MROH7: variants seen among roughly 807,000 people sequenced by gnomAD.
MROH7 encodes maestro heat-like repeat-containing protein family member 7.
MROH7 carries 113 observed loss-of-function variants against 129.2 expected under a neutral mutation model. The ratio of observed to expected loss-of-function variants is 0.87; its 90% CI spans 0.75 to 1.02. MROH7 has a LOEUF of 1.02. Among genes scored for constraint, MROH7 ranks in the 50% least tolerant of loss-of-function variants. The probability of loss-of-function intolerance (pLI) is 0.00; values close to 1 mark genes in which losing one functional copy is unlikely to be tolerated. For synonymous variants in MROH7, 655 were observed against 667.9 expected, an observed-to-expected ratio of 0.98 and a Z score of 0.30; for missense variants, 1,601 against 1,671.3, an observed-to-expected ratio of 0.96 and a Z score of 0.73.
chr1:54,663,569 T>C (rs1018123430), intron 3 of MROH7, among the ~76,000 whole-genome samples: 4 of 152,080 alleles, frequency 2.6e-5, no homozygotes, highest in African/African-American at 7.2e-5. Flanking sequence ...AGGTGGGGTT[T>C]CACCATGTTG....
At chr1:54,667,840 C>T (rs1229996913) in intron 4 of MROH7, among the ~76,000 whole-genome samples, 2 of 152,108 alleles carry the variant, frequency 1.3e-5, no homozygotes, top group East Asian at 1.9e-4. Context: ...GTCCTAGCTA[C>T]TCAGAAGGCT....
At chr1:54,709,908 G>T in intron 23 of MROH7, 38 bp from the exon 24 acceptor site, 1 of 1,597,630 alleles carries the variant, frequency 6.3e-7, no homozygotes, top group Non-Finnish European at 8.6e-7. Context: ...TAGGGCCCTG[G>T]GTCTTAATAG....
intron 1 of MROH7, among the ~76,000 whole-genome samples, chr1:54,644,856 C>T (rs1026963493): frequency 6.7e-6 from 1 of 149,568 alleles, no homozygotes; most frequent in Non-Finnish European, 1.5e-5. Flanking sequence ...AGGCTGGTGC[C>T]TGGAGTACGG....
chr1:54,666,031 A>G (rs1359112822), intron 4 of MROH7, among the ~76,000 whole-genome samples: 2 of 152,236 alleles, frequency 1.3e-5, no homozygotes, highest in Non-Finnish European at 2.9e-5. Context: ...ACACACGCCA[A>G]ACTCATTCCT....
intron 22 of MROH7, among the ~76,000 whole-genome samples, chr1:54,706,907 A>G (rs184758975): frequency 6.6e-6 from 1 of 152,316 alleles, no homozygotes; most frequent in African/African-American, 2.4e-5. Context: ...AGAGTCAAGT[A>G]GAATCTCAGT....
intron 1 of MROH7, among the ~76,000 whole-genome samples, chr1:54,649,885 T>C (rs954654834): frequency 1.3e-5 from 2 of 152,226 alleles, no homozygotes; most frequent in Admixed American, 6.5e-5. Context: ...CAAGGAGCAA[T>C]CAAATTTTAC....
chr1:54,652,107 C>T (rs1282071633), intron 2 of MROH7, 124 bp downstream of exon 2: 1 of 152,394 alleles, frequency 6.6e-6, no homozygotes, highest in African/African-American at 2.4e-5. Flanking sequence ...TGACAGCTGC[C>T]CTATGGTCTC....
rs1206901943 is a variant in MROH7, at chr1:54,701,185, C to T, written c.3148C>T (p.Leu1050=). 6.2e-7 allele frequency: 1 copy of T among 1,614,022 alleles called. No individual in the cohort carries two copies. The highest frequency in any genetic ancestry group is 1.3e-5 in the African/African-American group (1 of 74,942). Residue 1050 remains leucine, a synonymous_variant, in exon 19 of 24, where the codon CTG becomes TTG. Transcript: ENST00000421030. ...CCTCCTGCCCTCCATGGTGAAGGGC[C>T]TGAAGAACATGGATGGGATGCTGGT... is the stretch of plus-strand genomic sequence containing the variant. ...KALLPSMVKG[L]KNMDGMLVVE... is the part of the protein sequence containing the mutation.
chr1:54,659,107 T>G, intron 3 of MROH7: 1 of 444,588 alleles, frequency 2.2e-6, no homozygotes, highest in Non-Finnish European at 4.5e-6. Context: ...TGTTTTGTTT[T>G]TTTTTAGATG....
intron 16 of MROH7, among the ~76,000 whole-genome samples, chr1:54,693,744 C>G (rs369220791): frequency 2.6e-5 from 4 of 152,176 alleles, no homozygotes; most frequent in Middle Eastern, 3.2e-3. Flanking sequence ...ACCCTGAGTG[C>G]CCCGGGTGGT....
chr1:54,702,623 A>G lies in MROH7; in HGVS notation c.3442A>G (p.Lys1148Glu), dbSNP rs983233923. 1.2e-5 allele frequency: 19 copies of G among 1,604,582 alleles called. No individual in the cohort carries two copies. The highest frequency in any genetic ancestry group is 1.6e-5 in the Non-Finnish European group (19 of 1,175,352). ...ATATTTTCTTCCTATTGGTTCCCAGAAGTGTGTGAAGACCCTGTTACGCTG... is the reference window on the plus strand; with the variant it reads ...ATATTTTCTTCCTATTGGTTCCCAGGAGTGTGTGAAGACCCTGTTACGCTG... ...MQEGNSKVSQKCVKTLLRCSY... is the reference protein window; with the variant it reads ...MQEGNSKVSQECVKTLLRCSY... Residue 1148 changes from lysine to glutamate, a missense_variant and splice_region_variant, in exon 21 of 24, where the codon AAG (lysine) becomes GAG (glutamate). Coordinates refer to ENST00000421030, the MANE Select transcript of MROH7 (RefSeq NM_001039464.4).
rs748774293 is a variant in MROH7, at chr1:54,710,203, A to G, written c.*16A>G. The G allele has an allele frequency of 2.5e-6, 4 of 1,607,310 alleles. No individual in the cohort carries two copies. The highest frequency in any genetic ancestry group is 3.4e-6 in the Non-Finnish European group (4 of 1,178,604). ...GAAGAAGTGACGTCCCTGAGCCCCAAACCCTCCTCAGGGTGGTTGAGTTCC... is the reference window on the plus strand; with the variant it reads ...GAAGAAGTGACGTCCCTGAGCCCCAGACCCTCCTCAGGGTGGTTGAGTTCC... On this transcript the variant is annotated 3_prime_UTR_variant, in exon 24 of 24. Coordinates refer to ENST00000421030, the MANE Select transcript of MROH7 (RefSeq NM_001039464.4).
chr1:54,701,840 G>A (rs1344432096), intron 19 of MROH7, among the ~76,000 whole-genome samples: 1 of 151,958 alleles, frequency 6.6e-6, no homozygotes, highest in Admixed American at 6.6e-5. Context: ...CAAAGTGCTG[G>A]GATTACAGGC....
At chr1:54,690,449 T>G (rs1645215671) in intron 15 of MROH7, among the ~76,000 whole-genome samples, 1 of 110,000 alleles carries the variant, frequency 9.1e-6, no homozygotes, top group African/African-American at 3.1e-5. Context: ...TTTTTTTTTT[T>G]TTCCTTTTTT....
chr1:54,670,136 A>G (rs1644874010), intron 5 of MROH7, among the ~76,000 whole-genome samples: 1 of 151,986 alleles, frequency 6.6e-6, no homozygotes, highest in African/African-American at 2.4e-5. Flanking sequence ...AGGGCCACAC[A>G]TAGTGGTTTT....
chr1:54,665,473 T>C, intron 4 of MROH7: 1 of 449,028 alleles, frequency 2.2e-6, no homozygotes, highest in Non-Finnish European at 4.0e-6. Flanking sequence ...TTGTCTGTTA[T>C]TCACAGCTAT....
intron 3 of MROH7, among the ~76,000 whole-genome samples, chr1:54,664,961 G>A (rs921317846): frequency 2.6e-5 from 4 of 152,108 alleles, no homozygotes; most frequent in African/African-American, 4.8e-5. Flanking sequence ...GCAGTGAGCC[G>A]AGATAGCGCC....
At chr1:54,663,476 G>A (rs1284044073) in intron 3 of MROH7, among the ~76,000 whole-genome samples, 5 of 151,974 alleles carry the variant, frequency 3.3e-5, no homozygotes, top group Admixed American at 6.6e-5. Flanking sequence ...GGGTTCAAGC[G>A]ATTCTCCTGC....
intron 15 of MROH7, among the ~76,000 whole-genome samples, chr1:54,689,405 A>G (rs7555331): frequency 0.56 from 84,872 of 151,976 alleles, 24,191 homozygotes; most frequent in African/African-American, 0.66. Flanking sequence ...GAAAAAATAT[A>G]TTTCTGTTGT....
Sources: gnomAD v4.1 joint callset for allele counts (sites outside exome capture counted in the v4.1 genomes callset) on GRCh38, gnomAD v4.1.1 for gene constraint, MANE v1.5 for transcripts, NCBI Gene and HGNC (gene_info 2026-07-23, HGNC 2026-07-21) for gene names.